The following ETF1 variants were observed in gnomAD, a reference collection of about 807,000 sequenced individuals.
ETF1 encodes eukaryotic translation termination factor 1.
ETF1 carries 4 observed loss-of-function variants against 55.1 expected under a neutral mutation model. The ratio of observed to expected loss-of-function variants is 0.07; its 90% CI spans 0.04 to 0.17. ETF1 has a LOEUF of 0.17. Ranked by LOEUF, ETF1 falls within the 10% of genes least tolerant of loss-of-function variation. The pLI is 1.00. For missense variants in ETF1, 142 were observed against 523.6 expected, an observed-to-expected ratio of 0.27 and a Z score of 7.11; for synonymous variants, 157 against 182.3, an observed-to-expected ratio of 0.86 and a Z score of 1.12.
rs1304950744 is a variant in ETF1, at chr5:138,506,504, T to TA, written c.*1800dup. On this transcript the variant is annotated 3_prime_UTR_variant, in exon 11 of 11. Coordinates refer to ENST00000360541, the MANE Select transcript of ETF1 (RefSeq NM_004730.4). The stretch of plus-strand genomic sequence containing the variant: ...CATTTACAATGGCAAAACCCTAAGG[T>TA]ACTGCTGTGAAGAGAGCATGTTTGC... 1 of 152,656 alleles carries TA rather than the reference T, an allele frequency of 6.6e-6. No individual in the cohort carries two copies. Among genetic ancestry groups the TA allele is most frequent in the Admixed American group, 6.5e-5 (1 of 15,284 alleles). 9.5% of individuals were successfully genotyped at this position (152,656 alleles called of 1,614,324 possible).
chr5:138,526,411 C>T (rs113381014), intron 2 of ETF1, among the ~76,000 whole-genome samples: 1,601 of 152,214 alleles, frequency 0.011, 17 homozygotes, highest in Non-Finnish European at 0.014. Flanking sequence ...ATTTCATAAA[C>T]GTGTACTATA....
At chr5:138,517,093 G>T (rs971873370) in intron 4 of ETF1, among the ~76,000 whole-genome samples, 1 of 152,206 alleles carries the variant, frequency 6.6e-6, no homozygotes, top group African/African-American at 2.4e-5. Context: ...TGTCCAGGCT[G>T]GGCGGGGTTG....
chr5:138,522,157 A>C (rs1366556177), intron 2 of ETF1, among the ~76,000 whole-genome samples: 1 of 152,178 alleles, frequency 6.6e-6, no homozygotes, highest in African/African-American at 2.4e-5. Context: ...TTCTCAAAAA[A>C]ACCCAAAAAC....
intron 6 of ETF1, among the ~76,000 whole-genome samples, chr5:138,512,250 ATATATATAT>A (rs1168566797): frequency 1.1e-3 from 13 of 11,856 alleles, no homozygotes; most frequent in African/African-American, 3.2e-3. Flanking sequence ...ATATATATAT[ATATATATAT>A]TTTTTTTTTT....
chr5:138,540,465 C>A (rs182656797), intron 2 of ETF1, among the ~76,000 whole-genome samples: 15 of 152,266 alleles, frequency 9.9e-5, no homozygotes, highest in Admixed American at 5.2e-4. Flanking sequence ...TTCCACTGTA[C>A]CCTATCTATG....
chr5:138,542,733 A>G (rs1388460230), intron 2 of ETF1, 100 bp downstream of exon 2: 1 of 1,544,812 alleles, frequency 6.5e-7, no homozygotes, highest in Non-Finnish European at 8.7e-7. Flanking sequence ...GGAGTTGGCT[A>G]GTGCCTGGTT....
At chr5:138,542,140 A>G (rs557698488) in intron 2 of ETF1, among the ~76,000 whole-genome samples, 6 of 152,286 alleles carry the variant, frequency 3.9e-5, no homozygotes, top group African/African-American at 1.4e-4. Flanking sequence ...TCTCCTGGAC[A>G]TACACATGCA....
Position 138,512,908 on chromosome 5 carries a change from T to C in ETF1, c.588A>G (p.Glu196=). The C allele has an allele frequency of 6.4e-7, 1 of 1,568,740 alleles. No homozygotes were observed. The highest frequency in any genetic ancestry group is 8.6e-7 in the Non-Finnish European group (1 of 1,163,252). Residue 196 remains glutamate, a synonymous_variant, in exon 6 of 11, where the codon GAA becomes GAG. Coordinates refer to ENST00000360541, the MANE Select transcript of ETF1 (RefSeq NM_004730.4). Reference sequence around the variant, plus strand: ...CTTTCCGAACATAGTTATGTCGCTTTTCCATTCTTAAACGGGCAAAACGCA... The same window carrying C: ...CTTTCCGAACATAGTTATGTCGCTTCTCCATTCTTAAACGGGCAAAACGCA... ...SALRFARLRM[E]KRHNYVRKVA...
intron 2 of ETF1, chr5:138,541,591 G>T: frequency 6.5e-7 from 1 of 1,531,190 alleles, no homozygotes; most frequent in South Asian, 1.2e-5. Flanking sequence ...AGCTTGGAGG[G>T]GCTGTCATTC....
chr5:138,508,620 T>C, intron 10 of ETF1, 49 bp downstream of exon 10: 3 of 1,607,976 alleles, frequency 1.9e-6, no homozygotes, highest in Non-Finnish European at 1.7e-6. Context: ...AGGAGGGACC[T>C]TGACCTGAGA....
At chr5:138,533,912 G>T (rs1765807632) in intron 2 of ETF1, among the ~76,000 whole-genome samples, 1 of 152,100 alleles carries the variant, frequency 6.6e-6, no homozygotes. Context: ...CACTCCCTCT[G>T]CTACTACCAT....
intron 5 of ETF1, chr5:138,513,293 G>A (rs1244346002): frequency 1.5e-5 from 12 of 805,564 alleles, no homozygotes; most frequent in Non-Finnish European, 1.5e-5. Context: ...GTGCAGTGGC[G>A]CAATCTTGGC....
At chr5:138,512,223 A>T (rs1265943069) in intron 6 of ETF1, among the ~76,000 whole-genome samples, 130 of 18,068 alleles carry the variant, frequency 7.2e-3, no homozygotes, top group Middle Eastern at 0.05. Context: ...AAAAAAAAAA[A>T]AAATATATAT....
intron 2 of ETF1, among the ~76,000 whole-genome samples, chr5:138,537,153 G>A (rs1411282685): frequency 4.6e-5 from 7 of 152,162 alleles, no homozygotes; most frequent in African/African-American, 1.7e-4. Context: ...ATACTTGGAG[G>A]AAACTAAGGA....
chr5:138,530,147 A>C (rs185121711), intron 2 of ETF1, among the ~76,000 whole-genome samples: 169 of 151,898 alleles, frequency 1.1e-3, no homozygotes, highest in African/African-American at 3.9e-3. Flanking sequence ...CTTTCTAAAG[A>C]AGCAAAATAA....
chr5:138,513,712 A>G lies in ETF1; in HGVS notation c.403-6T>C. ...GAAAGTAGTGCTGTAAGAGCCTGAA[A>G]AGCAAACACAAGTACCACACGGTGA... On this transcript the variant is annotated splice_region_variant and splice_polypyrimidine_tract_variant and intron_variant, in intron 4 of 10. Transcript: ENST00000360541. 1 of 1,594,342 alleles carries G rather than the reference A, an allele frequency of 6.3e-7. No homozygotes were observed. Among genetic ancestry groups the G allele is most frequent in the Non-Finnish European group, 8.6e-7 (1 of 1,163,576 alleles).
intron 3 of ETF1, among the ~76,000 whole-genome samples, chr5:138,518,205 A>C (rs1219873750): frequency 2.1e-5 from 3 of 141,932 alleles, no homozygotes; most frequent in African/African-American, 5.5e-5. Context: ...TCTCATCCCA[A>C]AAAAAAAAAA....
chr5:138,525,392 G>A (rs1180909842), intron 2 of ETF1, among the ~76,000 whole-genome samples: 5 of 151,310 alleles, frequency 3.3e-5, no homozygotes, highest in Admixed American at 6.6e-5. Flanking sequence ...TCCTGACCTC[G>A]TGATCCGCCT....
chr5:138,543,120 AGCGGCTGCTCCTCCCCGGCG>A lies in ETF1; in HGVS notation c.-62_-43del, dbSNP rs1766257821. The A allele has an allele frequency of 3.3e-6, 2 of 598,560 alleles. No homozygotes were observed. Among genetic ancestry groups the A allele is most frequent in the Admixed American group, 3.2e-5 (1 of 31,628 alleles). 37.1% of individuals were successfully genotyped at this position (598,560 alleles called of 1,614,324 possible). A position where few individuals can be genotyped will look rare whatever the true frequency, so the allele number is the denominator to read the frequency against. ...ACCTAAGGGCCCAGTCCTGGGCGGC[AGCGGCTGCTCCTCCCCGGCG>A]GCGGCTCCGCGGCGGCGGCGGCTCT... On this transcript the variant is annotated 5_prime_UTR_variant, in exon 1 of 11. The change abolishes the stop of an existing upstream ORF in the 5' untranslated region. Transcript: ENST00000360541.
Sources: allele counts gnomAD v4.1 joint callset (sites outside exome capture counted in the v4.1 genomes callset), GRCh38; gene constraint gnomAD v4.1.1; transcripts MANE v1.5; gene names NCBI Gene and HGNC (gene_info 2026-07-23, HGNC 2026-07-21).